CHD2: variants seen among roughly 807,000 people sequenced by gnomAD.
The protein encoded by CHD2 is ATP-dependent chromatin remodeler CHD2.
In CHD2, 28 loss-of-function variants were observed where a neutral mutation model predicts 243.9. The observed-to-expected ratio is 0.11, with a 90% confidence interval of 0.09 to 0.16. CHD2 has a LOEUF of 0.16. Among genes scored for constraint, CHD2 ranks in the 10% least tolerant of loss-of-function variants. CHD2 has a pLI of 1.00. For synonymous variants in CHD2, 775 were observed against 779.0 expected, an observed-to-expected ratio of 0.99 and a Z score of 0.09; for missense variants, 1,386 against 2,209.8, an observed-to-expected ratio of 0.63 and a Z score of 7.47.
intron 35 of CHD2, 104 bp downstream of exon 35, chr15:93,009,427 T>C: frequency 9.0e-7 from 1 of 1,106,190 alleles, no homozygotes; most frequent in Non-Finnish European, 1.3e-6. Context: ...GAAATCTTTC[T>C]CCCAGCACAA....
At chr15:92,917,035 A>G (rs1359318072) in intron 2 of CHD2, among the ~76,000 whole-genome samples, 1 of 152,194 alleles carries the variant, frequency 6.6e-6, no homozygotes, top group African/African-American at 2.4e-5. Context: ...GTAATTGCGT[A>G]TCCATTTTCT....
At chr15:92,937,468 T>C in intron 5 of CHD2, 50 bp from the exon 6 acceptor site, 1 of 1,373,044 alleles carries the variant, frequency 7.3e-7, no homozygotes, top group Non-Finnish European at 1.0e-6. Flanking sequence ...ATTATTTATC[T>C]TGAAGGATTC....
chr15:92,905,655 C>T (rs1467243653), intron 2 of CHD2, among the ~76,000 whole-genome samples: 6 of 152,166 alleles, frequency 3.9e-5, no homozygotes, highest in Non-Finnish European at 5.9e-5. Flanking sequence ...TGTAGGTTCT[C>T]ATAATCTAGG....
intron 20 of CHD2, among the ~76,000 whole-genome samples, chr15:92,977,885 C>T (rs2053930417): frequency 6.6e-6 from 1 of 152,196 alleles, no homozygotes; most frequent in African/African-American, 2.4e-5. Context: ...ATACAGGTGA[C>T]TTCCTGGAGT....
intron 5 of CHD2, 95 bp from the exon 6 acceptor site, chr15:92,937,423 C>T (rs939095940): frequency 1.2e-5 from 10 of 817,404 alleles, no homozygotes; most frequent in East Asian, 1.1e-4. Flanking sequence ...CATGTTCTGC[C>T]CTTTGGATAG....
intron 2 of CHD2, among the ~76,000 whole-genome samples, chr15:92,906,739 A>G (rs1439618): frequency 0.45 from 66,749 of 148,780 alleles, 15,137 homozygotes; most frequent in Admixed American, 0.49. Context: ...TGCTTCCTTG[A>G]AGAACTTGGC....
chr15:93,010,410 ATTTTT>A (rs34163529), intron 35 of CHD2, among the ~76,000 whole-genome samples: 28 of 143,046 alleles, frequency 2.0e-4, no homozygotes, highest in Admixed American at 2.1e-4. Context: ...ATGACTGGAA[ATTTTT>A]TTTTTTTTTT....
chr15:92,905,549 ATGT>A (rs1394040560), intron 2 of CHD2, among the ~76,000 whole-genome samples: 2 of 152,158 alleles, frequency 1.3e-5, no homozygotes, highest in Non-Finnish European at 2.9e-5. Flanking sequence ...TTCAAAGGAG[ATGT>A]TGACCCTTCA....
At chr15:92,981,881 GAA>G (rs761538461) in intron 24 of CHD2, among the ~76,000 whole-genome samples, 2 of 152,222 alleles carry the variant, frequency 1.3e-5, no homozygotes, top group African/African-American at 4.8e-5. Flanking sequence ...GTAAGTGAGA[GAA>G]AGAGGTGTCA....
chr15:92,992,261 G>A (rs938062895), intron 27 of CHD2, among the ~76,000 whole-genome samples: 3 of 152,206 alleles, frequency 2.0e-5, no homozygotes, highest in Non-Finnish European at 4.4e-5. Flanking sequence ...AAGGTCAGTT[G>A]CATCTTTCCA....
At chr15:93,004,520 A>G (rs1469990761) in intron 33 of CHD2, 97 bp from the exon 34 acceptor site, 2 of 1,159,556 alleles carry the variant, frequency 1.7e-6, no homozygotes, top group Non-Finnish European at 2.4e-6. Flanking sequence ...AGACCATCAT[A>G]TTTACCCATT....
intron 26 of CHD2, among the ~76,000 whole-genome samples, chr15:92,988,550 T>C (rs547341012): frequency 6.6e-6 from 1 of 152,356 alleles, no homozygotes; most frequent in East Asian, 1.9e-4. Flanking sequence ...GGACTCTCTT[T>C]TAGCATTTTA....
intron 21 of CHD2, among the ~76,000 whole-genome samples, chr15:92,978,594 G>T (rs1441321517): frequency 6.6e-6 from 1 of 152,184 alleles, no homozygotes; most frequent in Non-Finnish European, 1.5e-5. Context: ...TGTTTGAAAA[G>T]TACAACATCA....
intron 2 of CHD2, among the ~76,000 whole-genome samples, chr15:92,923,764 C>T (rs1164922848): frequency 2.6e-5 from 4 of 151,984 alleles, no homozygotes; most frequent in Non-Finnish European, 4.4e-5. Context: ...TGGGGTTTCA[C>T]CGTGTGGTCC....
intron 2 of CHD2, chr15:92,904,621 T>A: frequency 8.5e-7 from 1 of 1,179,102 alleles, no homozygotes. Flanking sequence ...TTTTGCCCAT[T>A]TCCGGGAATG....
rs575637677 is a variant in CHD2, at chr15:93,014,858, C to A, written c.4855C>A (p.His1619Asn). 6.2e-7 allele frequency: 1 copy of A among 1,614,162 alleles called. No individual in the cohort carries two copies. Among genetic ancestry groups the A allele is most frequent in the South Asian group, 1.1e-5 (1 of 91,078 alleles). ...CTCCCATGGCCCACAGATGCATGGACACCCAAGAGATAACTACAATCACCC... is the reference window on the plus strand; with the variant it reads ...CTCCCATGGCCCACAGATGCATGGAAACCCAAGAGATAACTACAATCACCC... Reference protein sequence around the residue: ...PASHGPQMHGHPRDNYNHPNK... With the variant: ...PASHGPQMHGNPRDNYNHPNK... Residue 1619 changes from histidine (H) to asparagine (N), a missense_variant, in exon 37 of 39, where the codon CAC (histidine) becomes AAC (asparagine). Physicochemically the swap from His to Asn is moderately conservative, Grantham distance 68 (BLOSUM62 1). Coordinates refer to ENST00000394196, the MANE Select transcript of CHD2 (RefSeq NM_001271.4).
At chr15:93,000,771 T>G (rs2054244681) in intron 32 of CHD2, 131 bp downstream of exon 32, 24 of 996,344 alleles carry the variant, frequency 2.4e-5, no homozygotes, top group Non-Finnish European at 3.3e-5. Context: ...ATGTAAGTCT[T>G]CGCTTAATCT....
chr15:92,986,162 G>A (rs1479807904), intron 26 of CHD2, among the ~76,000 whole-genome samples: 2 of 151,920 alleles, frequency 1.3e-5, no homozygotes, highest in Non-Finnish European at 1.5e-5. Flanking sequence ...TGCTTTCCCC[G>A]ATCCCATTTA....
intron 2 of CHD2, chr15:92,905,088 A>T: frequency 1.6e-6 from 2 of 1,267,620 alleles, no homozygotes; most frequent in Non-Finnish European, 2.2e-6. Context: ...CACGTTCAAT[A>T]ACATTAAAAA....
Sources: allele counts gnomAD v4.1 joint callset (sites outside exome capture counted in the v4.1 genomes callset), GRCh38; gene constraint gnomAD v4.1.1; transcripts MANE v1.5; gene names NCBI Gene and HGNC (gene_info 2026-07-23, HGNC 2026-07-21).